RSU1: variants seen among roughly 807,000 people sequenced by gnomAD.
RSU1 encodes the protein rsu-1.
A neutral mutation model predicts 31.1 loss-of-function variants in RSU1; 26 were observed. The ratio of observed to expected loss-of-function variants is 0.84; its 90% CI spans 0.61 to 1.16. The LOEUF is 1.16. RSU1 is among the 50% of genes most tolerant of loss of function. The probability of loss-of-function intolerance (pLI) is 0.00; values close to 1 mark genes in which losing one functional copy is unlikely to be tolerated. For missense variants in RSU1, 320 were observed against 339.1 expected (o/e 0.94, Z 0.44); for synonymous variants, 164 against 136.3 (o/e 1.20, Z -1.41).
At chr10:16,779,721 T>A (rs1837611244) in intron 3 of RSU1, among the ~76,000 whole-genome samples, 1 of 152,222 alleles carries the variant, frequency 6.6e-6, no homozygotes, top group Non-Finnish European at 1.5e-5. Context: ...AGACACTGAT[T>A]ACCATAAAAA....
chr10:16,621,819 C>G (rs556687358), intron 8 of RSU1, among the ~76,000 whole-genome samples: 2 of 152,284 alleles, frequency 1.3e-5, no homozygotes, highest in African/African-American at 4.8e-5. Flanking sequence ...ATTATGGGAG[C>G]TACAATTCAA....
intron 8 of RSU1, among the ~76,000 whole-genome samples, chr10:16,684,753 G>A (rs911957048): frequency 8.6e-5 from 13 of 151,904 alleles, no homozygotes; most frequent in Non-Finnish European, 1.3e-4. Context: ...CAAAGCAAAC[G>A]AATACAAATA....
chr10:16,623,799 G>A (rs947437382), intron 8 of RSU1, among the ~76,000 whole-genome samples: 2 of 152,088 alleles, frequency 1.3e-5, no homozygotes, highest in Non-Finnish European at 2.9e-5. Flanking sequence ...TTTCATGTTT[G>A]TTGGCCCCTC....
chr10:16,662,991 C>T (rs1171952231), intron 8 of RSU1, among the ~76,000 whole-genome samples: 1 of 149,366 alleles, frequency 6.7e-6, no homozygotes, highest in Non-Finnish European at 1.5e-5. Flanking sequence ...AAAAAAAAAC[C>T]CTCTAAGTTT....
At chr10:16,630,234 C>T (rs1395732653) in intron 8 of RSU1, among the ~76,000 whole-genome samples, 1 of 152,112 alleles carries the variant, frequency 6.6e-6, no homozygotes, top group Non-Finnish European at 1.5e-5. Flanking sequence ...TTAAAGATTA[C>T]TCTAGAATGC....
chr10:16,807,506 G>A (rs1468583604), intron 2 of RSU1, among the ~76,000 whole-genome samples: 4 of 152,168 alleles, frequency 2.6e-5, no homozygotes, highest in African/African-American at 9.7e-5. Flanking sequence ...TTAACATACG[G>A]TATACAAAGA....
chr10:16,807,059 A>G (rs1838287385), intron 2 of RSU1, among the ~76,000 whole-genome samples: 3 of 152,192 alleles, frequency 2.0e-5, no homozygotes, highest in African/African-American at 7.2e-5. Context: ...GGCTGGGATT[A>G]CAGCAGGCAT....
chr10:16,691,530 C>A (rs904745351), intron 8 of RSU1, among the ~76,000 whole-genome samples: 6 of 151,922 alleles, frequency 3.9e-5, no homozygotes, highest in Non-Finnish European at 8.8e-5. Flanking sequence ...CACAAAGTAA[C>A]CAACCTTCTT....
Position 16,605,630 on chromosome 10 carries a change from C to T in RSU1, c.732-12134G>A, listed in dbSNP as rs1024547735. ...TCACTTCCTGATGTCCTCAATTCCA[C>T]GCTCATCAGGTGACTACCATCAGCT... On this transcript the variant is annotated intron_variant, in intron 8 of 8. Transcript: ENST00000345264. 5.3e-5 allele frequency among the ~76,000 whole-genome samples: 8 copies of T among 152,162 alleles called. No individual in the cohort carries two copies. In the East Asian group the frequency reaches 5.8e-4, roughly 11 times the overall value.
intron 7 of RSU1, among the ~76,000 whole-genome samples, chr10:16,733,677 T>C (rs1836567064): frequency 6.6e-6 from 1 of 152,166 alleles, no homozygotes. Flanking sequence ...CCAAAAATTT[T>C]TGTGAAAGAA....
chr10:16,773,075 C>T (rs1837454544), intron 3 of RSU1, among the ~76,000 whole-genome samples: 1 of 152,016 alleles, frequency 6.6e-6, no homozygotes, highest in African/African-American at 2.4e-5. Flanking sequence ...TGGTGCATGC[C>T]TGCAGTCCTA....
rs567978838 is a variant in RSU1, at chr10:16,807,017, G to A, written c.109+9956C>T. ...AGGTGACCCACCCACGTTGGCCTCCGGAAGCGCTGGGATTACAGCAGGCAT... is the reference window on the plus strand; with the variant it reads ...AGGTGACCCACCCACGTTGGCCTCCAGAAGCGCTGGGATTACAGCAGGCAT... On this transcript the variant is annotated intron_variant, in intron 2 of 8. Transcript: ENST00000345264. Among the ~76,000 whole-genome samples, 57 of 152,258 alleles carry A rather than the reference G, an allele frequency of 3.7e-4. No individual in the cohort carries two copies. The South Asian group carries it at 8.5e-3, about 23-fold the overall frequency.
intron 7 of RSU1, among the ~76,000 whole-genome samples, chr10:16,729,296 C>T (rs1434240982): frequency 1.3e-5 from 2 of 152,194 alleles, no homozygotes; most frequent in Non-Finnish European, 2.9e-5. Context: ...AACAAAAATA[C>T]ACTTCCAATT....
chr10:16,623,659 G>A (rs1180067048), intron 8 of RSU1, among the ~76,000 whole-genome samples: 2 of 152,108 alleles, frequency 1.3e-5, no homozygotes, highest in Non-Finnish European at 2.9e-5. Context: ...TAACCATTCC[G>A]TGTTCTCTGC....
Position 16,691,721 on chromosome 10 carries a change from T to G in RSU1, c.731+3302A>C, listed in dbSNP as rs58830012. Among the ~76,000 whole-genome samples, 1,264 of 99,278 alleles carry G rather than the reference T, an allele frequency of 0.013. 42 individuals are homozygous for G. In the East Asian group the frequency reaches 0.13, roughly 11 times the overall value. The allele number at this position is 99,278 out of a possible 152,430, so 65.1% of individuals were successfully genotyped here. A position where few individuals can be genotyped will look rare whatever the true frequency, so the allele number is the denominator to read the frequency against. On this transcript the variant is annotated intron_variant, in intron 8 of 8. Transcript: ENST00000345264. ...TCCGGTGCTTACTGAAGCTGCTGCTTCTTTTTTTTTTTTTTTTTTTTTTTT... is the reference window on the plus strand; with the variant it reads ...TCCGGTGCTTACTGAAGCTGCTGCTGCTTTTTTTTTTTTTTTTTTTTTTTT...
At chr10:16,664,753 C>T (rs1276521444) in intron 8 of RSU1, among the ~76,000 whole-genome samples, 2 of 152,210 alleles carry the variant, frequency 1.3e-5, no homozygotes, top group Non-Finnish European at 2.9e-5. Context: ...TCTTTCCTAA[C>T]ATCATCTTCT....
chr10:16,676,523 T>C (rs955927182), intron 8 of RSU1, among the ~76,000 whole-genome samples: 2 of 152,142 alleles, frequency 1.3e-5, no homozygotes, highest in Non-Finnish European at 2.9e-5. Flanking sequence ...AAGATGAGAT[T>C]TGGGTGGGGA....
intron 8 of RSU1, among the ~76,000 whole-genome samples, chr10:16,649,007 G>A (rs770035723): frequency 2.0e-5 from 3 of 151,966 alleles, no homozygotes; most frequent in Admixed American, 1.3e-4. Flanking sequence ...AAATGATTCC[G>A]TTCTGAGACT....
At chr10:16,602,510 TAAG>T (rs1833729739) in intron 8 of RSU1, among the ~76,000 whole-genome samples, 2 of 152,242 alleles carry the variant, frequency 1.3e-5, no homozygotes, top group African/African-American at 4.8e-5. Context: ...TTTGTTTTCT[TAAG>T]AAGTCTACCA....
Sources: allele counts gnomAD v4.1 joint callset (sites outside exome capture counted in the v4.1 genomes callset), GRCh38; gene constraint gnomAD v4.1.1; transcripts MANE v1.5; gene names NCBI Gene and HGNC (gene_info 2026-07-23, HGNC 2026-07-21).